Variants in HSD17B4 observed in about 807,000 individuals in gnomAD.
HSD17B4 encodes the protein peroxisomal multifunctional enzyme type 2.
Under a neutral mutation model 101.0 loss-of-function variants are expected in HSD17B4, and 70 were observed. That is an observed-to-expected ratio of 0.69 (90% CI 0.57 to 0.85). HSD17B4 has a LOEUF of 0.85. Among genes scored for constraint, HSD17B4 ranks in the 40% least tolerant of loss-of-function variants. HSD17B4 has a pLI of 0.00. For missense variants in HSD17B4, 984 were observed against 892.4 expected, an observed-to-expected ratio of 1.10 and a Z score of -1.31; for synonymous variants, 347 against 297.1, an observed-to-expected ratio of 1.17 and a Z score of -1.73.
In HSD17B4 at chr5:119,481,888, C is replaced by T. The variant is rs933378472; in HGVS notation, c.622+2867C>T. On this transcript the variant is annotated intron_variant, in intron 8 of 23. Coordinates refer to ENST00000510025, the MANE Select transcript of HSD17B4 (RefSeq NM_000414.4). ...AAGGAAGTGTGACATAATTCTTATC[C>T]TTATTCCTCTATAGGTAAGGCATTT... Among the ~76,000 whole-genome samples the T allele has an allele frequency of 2.0e-5, 3 of 152,232 alleles. No individual in the cohort carries two copies. The East Asian group carries it at 5.8e-4, about 29-fold the overall frequency.
At chr5:119,474,243 G>A (rs1360818902) in intron 3 of HSD17B4, among the ~76,000 whole-genome samples, 158 bp from the exon 4 acceptor site, 1 of 152,122 alleles carries the variant, frequency 6.6e-6, no homozygotes, top group Admixed American at 6.5e-5. Flanking sequence ...TTTTATTAGT[G>A]AGCACATGAT....
intron 20 of HSD17B4, among the ~76,000 whole-genome samples, chr5:119,529,126 T>A (rs1335067163): frequency 1.3e-5 from 2 of 152,158 alleles, no homozygotes; most frequent in Non-Finnish European, 2.9e-5. Flanking sequence ...TATGATGAGA[T>A]GTAGTCAAGA....
At chr5:119,486,252 A>T (rs1488118478) in intron 8 of HSD17B4, among the ~76,000 whole-genome samples, 1 of 152,152 alleles carries the variant, frequency 6.6e-6, no homozygotes, top group Non-Finnish European at 1.5e-5. Context: ...TATCCTGTTG[A>T]TCACACAGAC....
At chr5:119,518,835 C>G (rs1369696008) in intron 17 of HSD17B4, among the ~76,000 whole-genome samples, 3 of 152,144 alleles carry the variant, frequency 2.0e-5, no homozygotes, top group Non-Finnish European at 4.4e-5. Flanking sequence ...GTTTCTTCAT[C>G]TTGAAACTGG....
chr5:119,481,056 T>TG, intron 8 of HSD17B4, among the ~76,000 whole-genome samples: 1 of 152,160 alleles, frequency 6.6e-6, no homozygotes, highest in East Asian at 1.9e-4. Flanking sequence ...GTACAATTGG[T>TG]GCAGTTAATG....
chr5:119,507,658 C>G (rs567140885), intron 15 of HSD17B4, among the ~76,000 whole-genome samples: 1 of 151,792 alleles, frequency 6.6e-6, no homozygotes, highest in Non-Finnish European at 1.5e-5. Flanking sequence ...GTGGCGGGCG[C>G]CTGTAGTCCC....
At chr5:119,496,382 T>C (rs994741427) in intron 11 of HSD17B4, among the ~76,000 whole-genome samples, 161 bp from the exon 12 acceptor site, 2 of 152,238 alleles carry the variant, frequency 1.3e-5, no homozygotes, top group African/African-American at 4.8e-5. Flanking sequence ...CGCAATTTTT[T>C]CCTTCAATAG....
chr5:119,527,775 C>T (rs1406175109), intron 20 of HSD17B4, among the ~76,000 whole-genome samples: 1 of 152,006 alleles, frequency 6.6e-6, no homozygotes, highest in Non-Finnish European at 1.5e-5. Context: ...AAATCTTATC[C>T]TTTATGAGTT....
At chr5:119,492,075 A>T (rs552965023) in intron 9 of HSD17B4, 25 bp from the exon 10 acceptor site, 4 of 1,591,058 alleles carry the variant, frequency 2.5e-6, no homozygotes, top group Non-Finnish European at 3.4e-6. Context: ...TAGATGGTAT[A>T]ATGTTTTCCC....
intron 22 of HSD17B4, among the ~76,000 whole-genome samples, chr5:119,533,942 G>A (rs450118): frequency 0.88 from 134,465 of 152,128 alleles, 59,717 homozygotes; most frequent in African/African-American, 0.97. Context: ...TATGCAATTT[G>A]TCAGTATTTT....
intron 9 of HSD17B4, among the ~76,000 whole-genome samples, chr5:119,490,517 A>AT (rs1434291080): frequency 6.6e-6 from 1 of 152,088 alleles, no homozygotes; most frequent in Non-Finnish European, 1.5e-5. Context: ...TAGTATGAAT[A>AT]TTTTTATGTT....
At chr5:119,515,760 G>A (rs550294939) in intron 17 of HSD17B4, among the ~76,000 whole-genome samples, 9 of 152,242 alleles carry the variant, frequency 5.9e-5, no homozygotes, top group Admixed American at 1.3e-4. Context: ...CTGGAGTAAC[G>A]CAGTGTGTGT....
intron 2 of HSD17B4, chr5:119,464,615 C>G (rs1251452392): frequency 6.6e-6 from 1 of 151,734 alleles, no homozygotes; most frequent in East Asian, 1.9e-4. Context: ...TCTTTTGAGA[C>G]AGCATCTCGC....
intron 1 of HSD17B4, among the ~76,000 whole-genome samples, chr5:119,454,646 G>A (rs887222186): frequency 2.7e-5 from 4 of 150,544 alleles, no homozygotes; most frequent in African/African-American, 9.8e-5. Context: ...GTTTGAGAGG[G>A]AGTTTTGCTC....
chr5:119,541,455 T>C (rs1425720434), intron 23 of HSD17B4, among the ~76,000 whole-genome samples: 1 of 152,236 alleles, frequency 6.6e-6, no homozygotes, highest in Non-Finnish European at 1.5e-5. Context: ...CTGTGATCTA[T>C]TCAACATTGT....
At chr5:119,521,888 T>G (rs1753143630) in intron 17 of HSD17B4, among the ~76,000 whole-genome samples, 2 of 151,680 alleles carry the variant, frequency 1.3e-5, no homozygotes, top group Non-Finnish European at 2.9e-5. Context: ...TTTTATTTAC[T>G]AAAAGGTTTT....
intron 2 of HSD17B4, among the ~76,000 whole-genome samples, chr5:119,460,870 C>T (rs1006748029): frequency 1.2e-4 from 19 of 152,262 alleles, no homozygotes; most frequent in African/African-American, 3.9e-4. Flanking sequence ...TGAAGGAGTG[C>T]GCCTTGAGGA....
At chr5:119,478,730 A>C (rs559620592) in intron 7 of HSD17B4, 104 bp from the exon 8 acceptor site, 1 of 820,194 alleles carries the variant, frequency 1.2e-6, no homozygotes, top group South Asian at 1.4e-5. Context: ...ATGACAGTAC[A>C]CATAGTTGCT....
chr5:119,482,995 G>A (rs1749281045), intron 8 of HSD17B4, among the ~76,000 whole-genome samples: 1 of 151,844 alleles, frequency 6.6e-6, no homozygotes, highest in African/African-American at 2.4e-5. Flanking sequence ...GTCAGACAAG[G>A]CTCTGGTAAA....
Sources: gnomAD v4.1 joint callset for allele counts (sites outside exome capture counted in the v4.1 genomes callset) on GRCh38, gnomAD v4.1.1 for gene constraint, MANE v1.5 for transcripts, NCBI Gene and HGNC (gene_info 2026-07-23, HGNC 2026-07-21) for gene names.